ADGRB2: variants seen among roughly 807,000 people sequenced by gnomAD.
The protein encoded by ADGRB2 is brain-specific angiogenesis inhibitor 2.
In ADGRB2, 47 loss-of-function variants were observed where a neutral mutation model predicts 178.7. The ratio of observed to expected loss-of-function variants is 0.26; its 90% CI spans 0.21 to 0.34. ADGRB2 has a LOEUF of 0.34. Among genes scored for constraint, ADGRB2 ranks in the 10% least tolerant of loss-of-function variants. The probability of loss-of-function intolerance (pLI) is 1.00; values close to 1 mark genes in which losing one functional copy is unlikely to be tolerated. For synonymous variants in ADGRB2, 870 were observed against 912.4 expected (o/e 0.95, Z 0.84); for missense variants, 1,584 against 2,180.8 (o/e 0.73, Z 5.45).
intron 4 of ADGRB2, among the ~76,000 whole-genome samples, chr1:31,749,217 G>A (rs1248155589): frequency 6.6e-6 from 1 of 152,096 alleles, no homozygotes; most frequent in African/African-American, 2.4e-5. Context: ...AACCTCCAAA[G>A]TGAGCCTCGG....
In ADGRB2 at chr1:31,736,332, A is replaced by G; in HGVS notation, c.3189T>C (p.Gly1063=). ...GGAGGCCCACGTACTAGCTGGATGTACCGTATCCTTTCGTTCGGGTAAAGC... is the reference window on the plus strand; with the variant it reads ...GGAGGCCCACGTACTAGCTGGATGTGCCGTATCCTTTCGTTCGGGTAAAGC... ...SVGFTRTKGY[G]TSSYCWLSLE... Residue 1063 remains glycine, a synonymous_variant, in exon 22 of 33, where the codon GGT becomes GGC. Transcript: ENST00000373658. The G allele has an allele frequency of 6.2e-7, 1 of 1,614,046 alleles. No homozygotes were observed. The highest frequency in any genetic ancestry group is 1.3e-5 in the African/African-American group (1 of 75,050).
intron 4 of ADGRB2, among the ~76,000 whole-genome samples, chr1:31,751,757 C>T (rs1012002866): frequency 1.3e-5 from 2 of 152,114 alleles, no homozygotes; most frequent in Non-Finnish European, 2.9e-5. Context: ...CCTATTCACT[C>T]CTTAAAACTC....
At position 31,744,369 on chromosome 1, in the gene ADGRB2, G is replaced by C; in HGVS notation, c.923-12C>G. ...AGCCGCCGGGTCGCCTACGAGAGAGGGACAGCGTCGGCGGCAGGGGGCACC... is the reference window on the plus strand; with the variant it reads ...AGCCGCCGGGTCGCCTACGAGAGAGCGACAGCGTCGGCGGCAGGGGGCACC... On this transcript the variant is annotated splice_polypyrimidine_tract_variant and intron_variant, in intron 5 of 32. Transcript: ENST00000373658. The surrounding 1 kb of genome is among the most constrained non-coding windows in gnomAD (Gnocchi z 6.7). 3 of 1,548,814 alleles carry C rather than the reference G, an allele frequency of 1.9e-6. No homozygotes were observed. Among genetic ancestry groups the C allele is most frequent in the Non-Finnish European group, 2.6e-6 (3 of 1,146,482 alleles).
At chr1:31,757,174 T>C in intron 3 of ADGRB2, 27 bp downstream of exon 3, 1 of 1,614,170 alleles carries the variant, frequency 6.2e-7, no homozygotes, top group Non-Finnish European at 8.5e-7. Flanking sequence ...ATATTCGCCT[T>C]GCATTCAGAT....
At position 31,733,767 on chromosome 1, in the gene ADGRB2, TG is replaced by T. The variant is rs1264040253; in HGVS notation, c.3453-625del. Among the ~76,000 whole-genome samples the T allele has an allele frequency of 6.6e-6, 1 of 151,912 alleles. No individual in the cohort carries two copies. Among genetic ancestry groups the T allele is most frequent in the Admixed American group, 6.6e-5 (1 of 15,266 alleles). On this transcript the variant is annotated intron_variant, in intron 25 of 32. Coordinates refer to ENST00000373658, the MANE Select transcript of ADGRB2 (RefSeq NM_001364857.2). The surrounding 1 kb of genome is among the most constrained non-coding windows in gnomAD (Gnocchi z 4.3). ...GAGCCTTGGGCAGAAGGCTCAGAGC[TG>T]GGGCTAAAAGCTGGGGTCGGGCCAG...
intron 1 of ADGRB2, among the ~76,000 whole-genome samples, chr1:31,762,118 T>TACAGAAATGCAGACCACGCACGC (rs1426973400): frequency 3.3e-5 from 5 of 152,006 alleles, no homozygotes; most frequent in Admixed American, 6.6e-5. Context: ...CACTTTGTGT[T>TACAGAAATGCAGACCACGCACGC]ACAGAAATGC....
rs772084223 is a variant in ADGRB2, at chr1:31,757,439, C to T, written c.-118G>A. 36 of 626,642 alleles carry T rather than the reference C, an allele frequency of 5.7e-5. No individual in the cohort carries two copies. Among genetic ancestry groups the T allele is most frequent in the Admixed American group, 1.3e-4 (5 of 39,182 alleles). The allele number at this position is 626,642 out of a possible 1,614,324, so 38.8% of individuals were successfully genotyped here. On this transcript the variant is annotated 5_prime_UTR_variant, in exon 2 of 33. Transcript: ENST00000373658. ...GTTACAGCCAGTGTGCCAGGAACTGCGCACAACCTGAGCCATGCCCACAGG... is the reference window on the plus strand; with the variant it reads ...GTTACAGCCAGTGTGCCAGGAACTGTGCACAACCTGAGCCATGCCCACAGG...
intron 1 of ADGRB2, 21 bp downstream of exon 1, chr1:31,763,863 G>T (rs1006498407): frequency 1.6e-5 from 16 of 985,226 alleles, no homozygotes; most frequent in Non-Finnish European, 1.9e-5. Context: ...GCCAGGTCGG[G>T]GTCTGGGGCC....
rs759913031 is a variant in ADGRB2 at position 31,741,640 on chromosome 1, G to T, written c.1671C>A (p.Cys557Ter). Residue 557 changes from cysteine (C) to a stop codon, truncating the protein, a stop_gained, in exon 10 of 33, where the codon TGC (cysteine) becomes TGA (stop). Transcript: ENST00000373658. LOFTEE classifies it high-confidence loss of function. This position sits in a 1 kb window ranked among gnomAD's most constrained non-coding sequence, Gnocchi z 6.5. ...AAAGEIIYNK[C>*]PPNASGSASR... ...GCCCCTTACCTGAGGCATTCGGGGG[G>T]CACTTGTTGTAGATGATCTCGCCAG... 1 of 1,613,884 alleles carries T rather than the reference G, an allele frequency of 6.2e-7. No individual in the cohort carries two copies. The highest frequency in any genetic ancestry group is 1.7e-5 in the Admixed American group (1 of 60,002).
chr1:31,759,306 C>T lies in ADGRB2; in HGVS notation c.-190-1795G>A, dbSNP rs761684639. On this transcript the variant is annotated intron_variant, in intron 1 of 32. Transcript: ENST00000373658. The surrounding 1 kb of genome is among the most constrained non-coding windows in gnomAD (Gnocchi z 4.3). Reference sequence around the variant, plus strand: ...ATGCACAGAGGTGCACACGCATTCTCGACTGAGAACACACATGAGTATCTG... The same window carrying T: ...ATGCACAGAGGTGCACACGCATTCTTGACTGAGAACACACATGAGTATCTG... The T allele has an allele frequency of 3.8e-6, 3 of 779,608 alleles. No individual in the cohort carries two copies. Among genetic ancestry groups the T allele is most frequent in the African/African-American group, 1.7e-5 (1 of 59,140 alleles). 48.3% of individuals were successfully genotyped at this position (779,608 alleles called of 1,614,324 possible).
chr1:31,739,339 G>A lies in ADGRB2; in HGVS notation c.2464C>T (p.Arg822Cys), dbSNP rs909211520. The stretch of plus-strand genomic sequence containing the variant: ...GGCGGCAGGATGAGGCCAAGGGTGC[G>A]GTAGAGTACAGCACCGATCACAAAG... ...SYFVIGAVLY[R>C]TLGLILPPPR... The change falls in exon 15 of 33, where the codon CGC becomes TGC. Residue 822 changes from arginine (R) to cysteine (C), a missense_variant. Around this residue, in one of 3 missense-constraint regions of ADGRB2, gnomAD observed 865 missense variants for 1,192.8 expected, o/e 0.73. Transcript: ENST00000373658. 6.8e-6 allele frequency: 10 copies of A among 1,461,634 alleles called. No homozygotes were observed. The highest frequency in any genetic ancestry group is 2.5e-5 in the East Asian group (1 of 40,200). The allele number at this position is 1,461,634 out of a possible 1,614,324, so 90.5% of individuals were successfully genotyped here.
At chr1:31,747,937 C>T (rs1443909952) in intron 4 of ADGRB2, among the ~76,000 whole-genome samples, 4 of 152,216 alleles carry the variant, frequency 2.6e-5, no homozygotes, top group Admixed American at 2.6e-4. Flanking sequence ...TATTTATTCA[C>T]AAACACTTTG....
intron 20 of ADGRB2, 112 bp from the exon 21 acceptor site, chr1:31,736,835 G>GC: frequency 2.7e-6 from 4 of 1,456,272 alleles, no homozygotes; most frequent in South Asian, 2.8e-5. Flanking sequence ...CCTGAGCCCC[G>GC]CCCCCCACAG....
rs533092880 is a variant in ADGRB2, at chr1:31,751,938, T to C, written c.838+4061A>G. Among the ~76,000 whole-genome samples, 322 of 152,288 alleles carry C rather than the reference T, an allele frequency of 2.1e-3. 3 individuals carry two copies. The highest frequency in any genetic ancestry group is 9.6e-4 in the East Asian group (5 of 5,184). On this transcript the variant is annotated intron_variant, in intron 4 of 32. Coordinates refer to ENST00000373658, the MANE Select transcript of ADGRB2 (RefSeq NM_001364857.2). The stretch of plus-strand genomic sequence containing the variant: ...TACCATGTGCCAGGCACTGGGCACT[T>C]ACTCTCATCCTCTCACTGAACCCTC...
chr1:31,744,569 G>A lies in ADGRB2; in HGVS notation c.922+79C>T. On this transcript the variant is annotated intron_variant, in intron 5 of 32. Transcript: ENST00000373658. This position sits in a 1 kb window ranked among gnomAD's most constrained non-coding sequence, Gnocchi z 6.7. Reference sequence around the variant, plus strand: ...TGAACTGCAGGACAGAGACAGACAGGCACACACCAAGCACACACACCACCA... The same window carrying A: ...TGAACTGCAGGACAGAGACAGACAGACACACACCAAGCACACACACCACCA... The A allele has an allele frequency of 1.3e-6, 2 of 1,531,274 alleles. No homozygotes were observed. The highest frequency in any genetic ancestry group is 1.8e-5 in the Admixed American group (1 of 55,106). The allele number at this position is 1,531,274 out of a possible 1,614,324, so 94.9% of individuals were successfully genotyped here.
In ADGRB2 at chr1:31,744,259, A is replaced by C; in HGVS notation, c.1021T>G (p.Tyr341Asp). The C allele has an allele frequency of 6.4e-7, 1 of 1,551,070 alleles. No individual in the cohort carries two copies. The highest frequency in any genetic ancestry group is 2.4e-5 in the East Asian group (1 of 40,920). The part of the protein sequence containing the change: ...VRTRSCVSSP[Y>D]GTLCSGPLRE... The stretch of plus-strand genomic sequence containing the variant: ...AGGGGCCCGCTGCACAGGGTCCCAT[A>C]GGGGGAGGACACACAGGAGCGGGTC... Residue 341 changes from tyrosine (Y) to aspartate (D), a missense_variant, in exon 6 of 33, where the codon TAT becomes GAT. Tyr to Asp is a radical substitution (Grantham distance 160). Around this residue, in one of 3 missense-constraint regions of ADGRB2, gnomAD observed 657 missense variants for 847.6 expected, o/e 0.78. Transcript: ENST00000373658. This position sits in a 1 kb window ranked among gnomAD's most constrained non-coding sequence, Gnocchi z 6.7.
rs965001067 is a variant in ADGRB2, at chr1:31,753,444, T to C, written c.838+2555A>G. Reference sequence around the variant, plus strand: ...TGCCCACCAGCCCCCAGCCCAGTGCTCTTCCGGTACCAGCCCAAGCCCACC... The same window carrying C: ...TGCCCACCAGCCCCCAGCCCAGTGCCCTTCCGGTACCAGCCCAAGCCCACC... On this transcript the variant is annotated intron_variant, in intron 4 of 32. Transcript: ENST00000373658. The surrounding 1 kb of genome is among the most constrained non-coding windows in gnomAD (Gnocchi z 4.1). 1.3e-5 allele frequency among the ~76,000 whole-genome samples: 2 copies of C among 152,158 alleles called. No individual in the cohort carries two copies. Among genetic ancestry groups the C allele is most frequent in the Non-Finnish European group, 2.9e-5 (2 of 68,026 alleles).
In ADGRB2 at chr1:31,757,205, C is replaced by T; in HGVS notation, c.17G>A (p.Trp6Ter). MENTG[W>*]MGKGHRMTPA... ...CAGATCCAGCCCCAGCCTCACCATCCAACCTGTATTCTCCATAACTCTTGC... is the reference window on the plus strand; with the variant it reads ...CAGATCCAGCCCCAGCCTCACCATCTAACCTGTATTCTCCATAACTCTTGC... Residue 6 changes from tryptophan to a stop codon, truncating the protein, a stop_gained, in exon 3 of 33, where the codon TGG becomes TAG. Coordinates refer to ENST00000373658, the MANE Select transcript of ADGRB2 (RefSeq NM_001364857.2). LOFTEE classifies it high-confidence loss of function. 6.2e-7 allele frequency: 1 copy of T among 1,614,184 alleles called. No individual in the cohort carries two copies. The highest frequency in any genetic ancestry group is 8.5e-7 in the Non-Finnish European group (1 of 1,180,018).
intron 4 of ADGRB2, among the ~76,000 whole-genome samples, chr1:31,745,413 G>A (rs368519749): frequency 2.3e-4 from 35 of 152,282 alleles, no homozygotes; most frequent in Admixed American, 1.2e-3. Flanking sequence ...GCAGGTGCTC[G>A]AGGAGGCCAG....
Sources: gnomAD v4.1 joint callset for allele counts (sites outside exome capture counted in the v4.1 genomes callset) on GRCh38, gnomAD v4.1.1 for gene constraint, gnomAD v4.1.1 regional missense constraint, Gnocchi (gnomAD v3.1) non-coding constraint, MANE v1.5 for transcripts, NCBI Gene and HGNC (gene_info 2026-07-23, HGNC 2026-07-21) for gene names.